NAA25: variants seen among roughly 807,000 people sequenced by gnomAD.
The protein encoded by NAA25 is N-terminal acetyltransferase B complex subunit NAA25.
NAA25 carries 30 observed loss-of-function variants against 132.5 expected under a neutral mutation model. That is an observed-to-expected ratio of 0.23 (90% confidence interval 0.17 to 0.31). The LOEUF (loss-of-function observed/expected upper bound fraction) is 0.31, where lower values mean the gene tolerates loss of function less well. Ranked by LOEUF, NAA25 falls within the 10% of genes least tolerant of loss-of-function variation. The pLI, the probability that NAA25 is intolerant of heterozygous loss-of-function variation, is 1.00. For missense variants in NAA25, 771 were observed against 1,150.4 expected, an observed-to-expected ratio of 0.67 and a Z score of 4.77; for synonymous variants, 359 against 401.9, an observed-to-expected ratio of 0.89 and a Z score of 1.28.
chr12:112,063,350 A>G (rs1304980180), intron 11 of NAA25, among the ~76,000 whole-genome samples: 1 of 152,192 alleles, frequency 6.6e-6, no homozygotes, highest in African/African-American at 2.4e-5. Flanking sequence ...GGCCCCTCCA[A>G]AAGTTCACAG....
At chr12:112,091,005 C>T (rs2079120101) in intron 2 of NAA25, 141 bp from the exon 3 acceptor site, 2 of 757,878 alleles carry the variant, frequency 2.6e-6, no homozygotes, top group African/African-American at 3.6e-5. Context: ...CGGCGGCTCA[C>T]ATCTGTAATC....
intron 6 of NAA25, 121 bp from the exon 7 acceptor site, chr12:112,078,387 A>G (rs1004111980): frequency 6.8e-5 from 51 of 750,114 alleles, no homozygotes; most frequent in Non-Finnish European, 1.0e-4. Context: ...TGAAACTGAC[A>G]GTACGAAGCA....
At chr12:112,067,271 T>G (rs2078732626) in intron 11 of NAA25, among the ~76,000 whole-genome samples, 1 of 152,140 alleles carries the variant, frequency 6.6e-6, no homozygotes, top group Non-Finnish European at 1.5e-5. Context: ...ATGTAAACTT[T>G]GTGCTGCAGA....
At position 112,029,462 on chromosome 12, in the gene NAA25, T is replaced by C. The variant is rs1189836289; in HGVS notation, c.*69A>G. ...GATTAAAATCATGGTCAACCAGATGTTGCTTTTGCCTGGGAAGATGGTGTC... is the reference window on the plus strand; with the variant it reads ...GATTAAAATCATGGTCAACCAGATGCTGCTTTTGCCTGGGAAGATGGTGTC... On this transcript the variant is annotated 3_prime_UTR_variant, in exon 24 of 24. Coordinates refer to ENST00000261745, the MANE Select transcript of NAA25 (RefSeq NM_024953.4). 28 of 1,603,816 alleles carry C rather than the reference T, an allele frequency of 1.7e-5. No homozygotes were observed. The highest frequency in any genetic ancestry group is 2.2e-5 in the Non-Finnish European group (26 of 1,175,408).
chr12:112,075,601 C>A (rs2078884079), intron 8 of NAA25, 77 bp downstream of exon 8: 5 of 1,223,064 alleles, frequency 4.1e-6, no homozygotes, highest in Non-Finnish European at 5.9e-6. Flanking sequence ...CTTCAAAACA[C>A]AGACACCAAG....
At chr12:112,093,472 CA>C (rs2079167057) in intron 1 of NAA25, among the ~76,000 whole-genome samples, 1 of 151,972 alleles carries the variant, frequency 6.6e-6, no homozygotes, top group Non-Finnish European at 1.5e-5. Context: ...ACCTGGGAGG[CA>C]GAGGTTGCAG....
chr12:112,050,756 T>C (rs553044349), intron 15 of NAA25, among the ~76,000 whole-genome samples: 1 of 152,334 alleles, frequency 6.6e-6, no homozygotes, highest in African/African-American at 2.4e-5. Flanking sequence ...CTTTTAAAGA[T>C]ATGAAAATCT....
intron 1 of NAA25, among the ~76,000 whole-genome samples, chr12:112,093,468 G>A (rs1368963278): frequency 2.6e-5 from 4 of 152,076 alleles, no homozygotes; most frequent in African/African-American, 7.2e-5. Flanking sequence ...TTGAACCTGG[G>A]AGGCAGAGGT....
chr12:112,061,499 C>T (rs2136860895), intron 11 of NAA25, 111 bp from the exon 12 acceptor site: 1 of 829,308 alleles, frequency 1.2e-6, no homozygotes, highest in Admixed American at 2.8e-5. Context: ...AAAAAAAAAA[C>T]TAAAATTCCT....
chr12:112,094,747 C>T (rs1406034104), intron 1 of NAA25, among the ~76,000 whole-genome samples: 2 of 152,138 alleles, frequency 1.3e-5, no homozygotes, highest in Non-Finnish European at 2.9e-5. Context: ...GCAACCTCTG[C>T]CTCCTGAGTT....
At chr12:112,059,113 A>C (rs1256296621) in intron 13 of NAA25, among the ~76,000 whole-genome samples, 7 of 119,408 alleles carry the variant, frequency 5.9e-5, no homozygotes, top group South Asian at 2.6e-4. Context: ...AAAAAAAAAA[A>C]AAAAAAAAAA....
chr12:112,054,659 C>T, intron 13 of NAA25, 91 bp from the exon 14 acceptor site: 3 of 1,125,056 alleles, frequency 2.7e-6, no homozygotes, highest in Non-Finnish European at 3.7e-6. Flanking sequence ...ACATCATCAC[C>T]CCCCCCAATA....
At chr12:112,073,136 G>C (rs1256091439) in intron 9 of NAA25, among the ~76,000 whole-genome samples, 2 of 151,802 alleles carry the variant, frequency 1.3e-5, no homozygotes, top group Admixed American at 1.3e-4. Flanking sequence ...TTTTGGGGCT[G>C]AGGCAAAAGG....
At chr12:112,055,635 G>A (rs1341815223) in intron 13 of NAA25, among the ~76,000 whole-genome samples, 1 of 152,010 alleles carries the variant, frequency 6.6e-6, no homozygotes, top group African/African-American at 2.4e-5. Flanking sequence ...CAGCCTAGGA[G>A]GTTGAGGCTG....
chr12:112,043,334 C>T, intron 18 of NAA25, 123 bp from the exon 19 acceptor site: 1 of 1,004,888 alleles, frequency 1.0e-6, no homozygotes, highest in Middle Eastern at 2.2e-4. Flanking sequence ...CACTAATCAG[C>T]AAACTAATAA....
At chr12:112,103,846 C>T (rs879435446) in intron 1 of NAA25, among the ~76,000 whole-genome samples, 2 of 152,130 alleles carry the variant, frequency 1.3e-5, no homozygotes, top group East Asian at 1.9e-4. Flanking sequence ...TCATAAGGAG[C>T]GCCAACCTCG....
At chr12:112,099,924 C>T (rs1259960399) in intron 1 of NAA25, among the ~76,000 whole-genome samples, 1 of 152,168 alleles carries the variant, frequency 6.6e-6, no homozygotes, top group Non-Finnish European at 1.5e-5. Context: ...AAAGATATTG[C>T]CACAACTTAT....
At chr12:112,095,253 C>T (rs199959032) in intron 1 of NAA25, among the ~76,000 whole-genome samples, 96 of 151,786 alleles carry the variant, frequency 6.3e-4, no homozygotes, top group Middle Eastern at 3.4e-3. Context: ...CTGGCTAACA[C>T]GGTGAAACCC....
chr12:112,055,210 G>A (rs1389766920), intron 13 of NAA25, among the ~76,000 whole-genome samples: 2 of 152,120 alleles, frequency 1.3e-5, no homozygotes, highest in Non-Finnish European at 2.9e-5. Flanking sequence ...GGGAGGATGA[G>A]TAGGTAAATT....
Sources: gnomAD v4.1 joint callset for allele counts (sites outside exome capture counted in the v4.1 genomes callset) on GRCh38, gnomAD v4.1.1 for gene constraint, MANE v1.5 for transcripts, NCBI Gene and HGNC (gene_info 2026-07-23, HGNC 2026-07-21) for gene names.